The following SAMMSON variants were observed in gnomAD, a reference collection of about 807,000 sequenced individuals.
The protein encoded by SAMMSON is survival associated mitochondrial melanoma specific oncogenic non-coding RNA.
At chr3:70,185,901 T>C (rs933642522) in intron 4 of SAMMSON, among the ~76,000 whole-genome samples, 5 of 151,954 alleles carry the variant, frequency 3.3e-5, no homozygotes, top group African/African-American at 1.2e-4. Flanking sequence ...CACTTGAGTC[T>C]AGGAGATTGA....
At chr3:70,285,519 C>T (rs1230123509) in intron 6 of SAMMSON, among the ~76,000 whole-genome samples, 3 of 151,810 alleles carry the variant, frequency 2.0e-5, no homozygotes, top group African/African-American at 7.3e-5. Flanking sequence ...AATAAAAATA[C>T]GTGTGCATGT....
intron 7 of SAMMSON, among the ~76,000 whole-genome samples, chr3:70,350,501 T>G (rs978526285): frequency 4.6e-5 from 7 of 152,098 alleles, no homozygotes; most frequent in African/African-American, 1.7e-4. Flanking sequence ...GAACCCTTTA[T>G]GATACAATTA....
intron 2 of SAMMSON, among the ~76,000 whole-genome samples, chr3:70,396,455 CA>C (rs1406006012): frequency 3.3e-5 from 5 of 152,130 alleles, no homozygotes; most frequent in African/African-American, 1.2e-4. Context: ...GGTAATAATT[CA>C]TGTGTTTACC....
At chr3:70,172,689 C>A (rs1351249856) in intron 4 of SAMMSON, 2 of 151,852 alleles carry the variant, frequency 1.3e-5, no homozygotes, top group Non-Finnish European at 2.9e-5. Context: ...CAGCATCTGT[C>A]CCTTATAGCG....
At chr3:70,146,171 T>G (rs1187989055) in intron 4 of SAMMSON, among the ~76,000 whole-genome samples, 1 of 152,058 alleles carries the variant, frequency 6.6e-6, no homozygotes, top group Non-Finnish European at 1.5e-5. Context: ...CTATTAAAGA[T>G]ATTGAATTCA....
At chr3:70,199,851 A>G (rs1471212862) in intron 4 of SAMMSON, among the ~76,000 whole-genome samples, 2 of 152,210 alleles carry the variant, frequency 1.3e-5, no homozygotes, top group Non-Finnish European at 2.9e-5. Flanking sequence ...CCAAAAGTGT[A>G]TACCATATAT....
At chr3:70,365,127 A>C (rs911515832) in intron 9 of SAMMSON, among the ~76,000 whole-genome samples, 2 of 151,732 alleles carry the variant, frequency 1.3e-5, no homozygotes, top group African/African-American at 4.8e-5. Flanking sequence ...ATCATACAGA[A>C]TATTTTTGCC....
chr3:70,319,633 G>A (rs182546412), intron 7 of SAMMSON, among the ~76,000 whole-genome samples: 45 of 152,182 alleles, frequency 3.0e-4, no homozygotes, highest in Admixed American at 7.2e-4. Flanking sequence ...AAGGATAGTA[G>A]TTTTTAATGT....
At chr3:70,260,295 T>C (rs1701853311) in intron 6 of SAMMSON, among the ~76,000 whole-genome samples, 1 of 152,170 alleles carries the variant, frequency 6.6e-6, no homozygotes, top group African/African-American at 2.4e-5. Flanking sequence ...TGTCTGTGTC[T>C]TCCCATCGCC....
chr3:70,154,133 C>G (rs2067582610), intron 4 of SAMMSON, among the ~76,000 whole-genome samples: 2 of 151,582 alleles, frequency 1.3e-5, no homozygotes, highest in South Asian at 4.2e-4. Flanking sequence ...CTATTTAAAG[C>G]AACATTTAAT....
intron 3 of SAMMSON, among the ~76,000 whole-genome samples, chr3:70,043,242 G>A (rs1364216617): frequency 2.6e-5 from 4 of 152,044 alleles, no homozygotes; most frequent in Non-Finnish European, 5.9e-5. Flanking sequence ...TCCTTGAGAA[G>A]GAACCACCCC....
At chr3:70,263,796 T>C (rs1339025310) in intron 6 of SAMMSON, among the ~76,000 whole-genome samples, 1 of 152,132 alleles carries the variant, frequency 6.6e-6, no homozygotes, top group African/African-American at 2.4e-5. Flanking sequence ...TCCATCTGGG[T>C]TCCCGTTGCT....
intron 2 of SAMMSON, among the ~76,000 whole-genome samples, chr3:70,417,353 A>C (rs897870317): frequency 1.3e-5 from 2 of 152,176 alleles, no homozygotes; most frequent in African/African-American, 4.8e-5. Flanking sequence ...CCTTGTATGG[A>C]AGTGTTCCTT....
At chr3:70,421,157 G>C (rs13091195) in intron 2 of SAMMSON, among the ~76,000 whole-genome samples, 33,430 of 151,984 alleles carry the variant, frequency 0.22, 4,708 homozygotes, top group Non-Finnish European at 0.33. Flanking sequence ...CTCAGTTACA[G>C]TTAGTAAAGG....
At chr3:70,017,503 T>G (rs2066991263) in intron 3 of SAMMSON, among the ~76,000 whole-genome samples, 1 of 152,176 alleles carries the variant, frequency 6.6e-6, no homozygotes, top group South Asian at 2.1e-4. Flanking sequence ...TGGGGTTTTC[T>G]AGATATACAA....
chr3:70,244,030 T>C (rs949816989), intron 4 of SAMMSON, among the ~76,000 whole-genome samples: 1 of 152,194 alleles, frequency 6.6e-6, no homozygotes, highest in Non-Finnish European at 1.5e-5. Context: ...TTGACTCACA[T>C]ATGGAAGATT....
intron 4 of SAMMSON, among the ~76,000 whole-genome samples, chr3:70,174,729 A>T (rs1282440023): frequency 6.7e-6 from 1 of 149,532 alleles, no homozygotes; most frequent in African/African-American, 2.5e-5. Context: ...CCCTTCAATT[A>T]TCTATTCAAT....
chr3:70,306,098 A>G (rs1486160799), intron 7 of SAMMSON, among the ~76,000 whole-genome samples: 1 of 152,086 alleles, frequency 6.6e-6, no homozygotes, highest in Non-Finnish European at 1.5e-5. Flanking sequence ...TAAATAATGG[A>G]GTTTATTTAT....
At chr3:70,259,930 T>G (rs1701850116) in intron 6 of SAMMSON, among the ~76,000 whole-genome samples, 1 of 152,048 alleles carries the variant, frequency 6.6e-6, no homozygotes, top group Admixed American at 6.6e-5. Flanking sequence ...AAGTGCCAAG[T>G]GAAGGGGAAA....
Sources: gnomAD v4.1 joint callset for allele counts (sites outside exome capture counted in the v4.1 genomes callset) on GRCh38, gnomAD v4.1.1 for gene constraint, MANE v1.5 for transcripts, NCBI Gene and HGNC (gene_info 2026-07-23, HGNC 2026-07-21) for gene names.